Variants in CIT observed in about 807,000 individuals in gnomAD.
CIT encodes the protein citron Rho-interacting kinase.
CIT carries 79 observed loss-of-function variants against 272.7 expected under a neutral mutation model. The ratio of observed to expected loss-of-function variants is 0.29; its 90% CI spans 0.24 to 0.35. The LOEUF is 0.35. Ranked by LOEUF, CIT falls within the 10% of genes least tolerant of loss-of-function variation. The pLI is 1.00. For synonymous variants in CIT, 948 were observed against 995.6 expected, an observed-to-expected ratio of 0.95 and a Z score of 0.90; for missense variants, 1,909 against 2,618.3, an observed-to-expected ratio of 0.73 and a Z score of 5.91.
chr12:119,815,310 G>A (rs940677816), intron 9 of CIT, among the ~76,000 whole-genome samples: 2 of 151,552 alleles, frequency 1.3e-5, no homozygotes, highest in African/African-American at 4.8e-5. Flanking sequence ...TGGCTGAGTG[G>A]CAGATTCGAA....
intron 2 of CIT, among the ~76,000 whole-genome samples, chr12:119,873,756 T>A (rs1486272195): frequency 7.2e-6 from 1 of 138,366 alleles, no homozygotes; most frequent in East Asian, 2.1e-4. Flanking sequence ...CTCATCTGTT[T>A]AAACACCCAA....
rs755704525 is a variant in CIT, at chr12:119,712,743, A to G, written c.4580-48T>C. Reference sequence around the variant, plus strand: ...GAAAGAAAAACAAAAGAACAGGAACAAGAACAAGGGGAGAAGAGAGAGCGA... The same window carrying G: ...GAAAGAAAAACAAAAGAACAGGAACGAGAACAAGGGGAGAAGAGAGAGCGA... On this transcript the variant is annotated intron_variant, in intron 35 of 47. Transcript: ENST00000392521. The surrounding 1 kb of genome is among the most constrained non-coding windows in gnomAD (Gnocchi z 5.2). 1 of 1,485,092 alleles carries G rather than the reference A, an allele frequency of 6.7e-7. No individual in the cohort carries two copies. The highest frequency in any genetic ancestry group is 9.4e-7 in the Non-Finnish European group (1 of 1,063,066). 92.0% of individuals were successfully genotyped at this position (1,485,092 alleles called of 1,614,324 possible). A position where few individuals can be genotyped will look rare whatever the true frequency, so the allele number is the denominator to read the frequency against.
At chr12:119,875,218 G>A (rs927127640) in intron 2 of CIT, among the ~76,000 whole-genome samples, 22 of 151,782 alleles carry the variant, frequency 1.4e-4, no homozygotes, top group African/African-American at 4.1e-4. Flanking sequence ...TGGGAGGATC[G>A]TTTGAGCCCA....
At chr12:119,730,385 T>A in intron 27 of CIT, 110 bp downstream of exon 27, 1 of 1,294,554 alleles carries the variant, frequency 7.7e-7, no homozygotes, top group Non-Finnish European at 1.0e-6. Context: ...CATGAACATA[T>A]GTTTATGAAA....
At chr12:119,689,534 T>C (rs1048607973) in intron 47 of CIT, among the ~76,000 whole-genome samples, 2 of 148,098 alleles carry the variant, frequency 1.4e-5, no homozygotes, top group Non-Finnish European at 2.9e-5. Flanking sequence ...ACGCACAGAA[T>C]ATCTCTAGAA....
At chr12:119,739,463 A>T (rs1340666729) in intron 24 of CIT, among the ~76,000 whole-genome samples, 1 of 152,140 alleles carries the variant, frequency 6.6e-6, no homozygotes, top group Admixed American at 6.5e-5. Flanking sequence ...TAGCGGAGAC[A>T]ATCTTGGGCA....
chr12:119,803,800 G>A (rs1966413070), intron 9 of CIT, among the ~76,000 whole-genome samples: 1 of 152,042 alleles, frequency 6.6e-6, no homozygotes, highest in Non-Finnish European at 1.5e-5. Flanking sequence ...CCTCCAGACA[G>A]GTCTAAATTA....
chr12:119,711,265 G>T (rs962930638), intron 37 of CIT, among the ~76,000 whole-genome samples: 2 of 152,228 alleles, frequency 1.3e-5, no homozygotes, highest in African/African-American at 4.8e-5. Flanking sequence ...AGTCTGAAAA[G>T]AGCTGTTTGG....
intron 4 of CIT, among the ~76,000 whole-genome samples, chr12:119,855,141 G>A (rs988651933): frequency 4.0e-5 from 6 of 151,750 alleles, no homozygotes; most frequent in Non-Finnish European, 7.4e-5. Flanking sequence ...AGAAACAGTC[G>A]GCCAGGCACA....
chr12:119,730,617 G>T lies in CIT; in HGVS notation c.3364C>A (p.Gln1122Lys). Reference sequence around the variant, plus strand: ...ACCTGGCGAGACTCGGTGATCCGCTGATCGGCTCTCGCCCTGCCAGAAAGA... The same window carrying T: ...ACCTGGCGAGACTCGGTGATCCGCTTATCGGCTCTCGCCCTGCCAGAAAGA... ...TEKQSRARAD[Q>K]RITESRQVVE... The change falls in exon 27 of 48, where the codon CAG becomes AAG. Residue 1122 changes from glutamine (Q) to lysine (K), a missense_variant. This residue lies in a region of CIT where 530 missense variants were observed against 822.4 expected (regional missense o/e 0.64). Transcript: ENST00000392521. 2 of 1,613,954 alleles carry T rather than the reference G, an allele frequency of 1.2e-6. No homozygotes were observed. Among genetic ancestry groups the T allele is most frequent in the Non-Finnish European group, 1.7e-6 (2 of 1,179,922 alleles).
chr12:119,817,489 G>T (rs1420682193), intron 9 of CIT, among the ~76,000 whole-genome samples: 1 of 152,088 alleles, frequency 6.6e-6, no homozygotes, highest in Non-Finnish European at 1.5e-5. Flanking sequence ...TCCGGCCTGG[G>T]CAACAGAGCG....
rs1262662219 is a variant in CIT at position 119,713,875 on chromosome 12, G to A, written c.4307-227C>T. 9.8e-6 allele frequency: 6 copies of A among 612,272 alleles called. No individual in the cohort carries two copies. The highest frequency in any genetic ancestry group is 5.5e-5 in the East Asian group (2 of 36,228). 37.9% of individuals were successfully genotyped at this position (612,272 alleles called of 1,614,324 possible). A position where few individuals can be genotyped will look rare whatever the true frequency, so the allele number is the denominator to read the frequency against. ...AGTTTTCCAGGCTTCAATCCAGACC[G>A]CCCACAAACAGGTGTGTAAAGAACA... On this transcript the variant is annotated intron_variant, in intron 33 of 47. Transcript: ENST00000392521. The surrounding 1 kb of genome is among the most constrained non-coding windows in gnomAD (Gnocchi z 5.2).
At chr12:119,873,749 A>G (rs954387930) in intron 2 of CIT, among the ~76,000 whole-genome samples, 1 of 146,976 alleles carries the variant, frequency 6.8e-6, no homozygotes, top group Non-Finnish European at 1.5e-5. Context: ...TTCCACTCTC[A>G]TCTGTTTAAA....
chr12:119,798,132 GA>G (rs1566059976), intron 10 of CIT, among the ~76,000 whole-genome samples: 2 of 152,064 alleles, frequency 1.3e-5, no homozygotes, highest in African/African-American at 4.8e-5. Context: ...ATGAAAAGAG[GA>G]AAAAATCTGA....
intron 3 of CIT, among the ~76,000 whole-genome samples, chr12:119,858,800 T>C (rs58261374): frequency 0.048 from 7,196 of 150,690 alleles, 323 homozygotes; most frequent in African/African-American, 0.12. Flanking sequence ...CCAGCCTGAG[T>C]GACAGAGCGA....
rs1347630991 is a variant in CIT at position 119,767,146 on chromosome 12, C to T, written c.2245G>A (p.Ala749Thr). 1 of 1,610,788 alleles carries T rather than the reference C, an allele frequency of 6.2e-7. No homozygotes were observed. The highest frequency in any genetic ancestry group is 1.7e-5 in the Admixed American group (1 of 59,638). ...TTCAGGTGCACTTCTAGGTGCTGGG[C>T]TGAGACTTGGGCCTCCCGATGTTTC... ...EEKHREAQVS[A>T]QHLEVHLKQK... Residue 749 changes from alanine (A) to threonine (T), a missense_variant, in exon 19 of 48, where the codon GCC becomes ACC. This residue lies in a region of CIT where 530 missense variants were observed against 822.4 expected (regional missense o/e 0.64). Coordinates refer to ENST00000392521, the MANE Select transcript of CIT (RefSeq NM_001206999.2).
intron 39 of CIT, among the ~76,000 whole-genome samples, chr12:119,708,648 G>C (rs971820819): frequency 6.6e-6 from 1 of 151,914 alleles, no homozygotes; most frequent in African/African-American, 2.4e-5. Flanking sequence ...ACCACGCCTG[G>C]CTAATTTTTT....
In CIT at chr12:119,702,006, A is replaced by G. The variant is rs559057807; in HGVS notation, c.5305-48T>C. The G allele has an allele frequency of 2.2e-4, 311 of 1,411,858 alleles. 6 individuals are homozygous for G. The South Asian group carries it at 3.4e-3, about 16-fold the overall frequency. 87.5% of individuals were successfully genotyped at this position (1,411,858 alleles called of 1,614,324 possible). On this transcript the variant is annotated intron_variant, in intron 41 of 47. Coordinates refer to ENST00000392521, the MANE Select transcript of CIT (RefSeq NM_001206999.2). ...AAGGATGTGAGAGGTAACACAGGGC[A>G]GCCAAGGTCCACAGCTGTTCTGCTT... is the stretch of plus-strand genomic sequence containing the variant.
intron 10 of CIT, 147 bp downstream of exon 10, chr12:119,803,059 A>G (rs1966333842): frequency 1.2e-5 from 7 of 570,372 alleles, no homozygotes; most frequent in South Asian, 1.1e-4. Flanking sequence ...AAGCCCTAAC[A>G]GGTAGACTGC....
Sources: gnomAD v4.1 joint callset for allele counts (sites outside exome capture counted in the v4.1 genomes callset) on GRCh38, gnomAD v4.1.1 for gene constraint, gnomAD v4.1.1 regional missense constraint, Gnocchi (gnomAD v3.1) non-coding constraint, MANE v1.5 for transcripts, NCBI Gene and HGNC (gene_info 2026-07-23, HGNC 2026-07-21) for gene names.